The following KDM7A variants were observed in gnomAD, a reference collection of about 807,000 sequenced individuals.
KDM7A encodes the protein lysine demethylase 7A, also known as lysine-specific demethylase 7A.
In KDM7A, 28 loss-of-function variants were observed where a neutral mutation model predicts 114.8. The observed-to-expected ratio is 0.24, with a 90% CI of 0.18 to 0.33. KDM7A has a LOEUF of 0.33. Ranked by LOEUF, KDM7A falls within the 10% of genes least tolerant of loss-of-function variation. The pLI is 1.00. For synonymous variants in KDM7A, 423 were observed against 397.8 expected, an observed-to-expected ratio of 1.06 and a Z score of -0.75; for missense variants, 942 against 1,142.5, an observed-to-expected ratio of 0.82 and a Z score of 2.53.
rs575467516 is a variant in KDM7A at position 140,160,712 on chromosome 7, G to A, written c.194+16032C>T. On this transcript the variant is annotated intron_variant, in intron 1 of 19. Coordinates refer to ENST00000397560, the MANE Select transcript of KDM7A (RefSeq NM_030647.2). ...TTTAAGAGAATAATCAATTGCTTAC[G>A]GGGTAAAGAATGAGAAAACTGAAAA... Among the ~76,000 whole-genome samples the A allele has an allele frequency of 2.4e-4, 36 of 152,284 alleles. No individual in the cohort carries two copies. The South Asian group carries it at 6.2e-3, about 26-fold the overall frequency.
chr7:140,175,090 T>C (rs1269185904), intron 1 of KDM7A, among the ~76,000 whole-genome samples: 7 of 152,210 alleles, frequency 4.6e-5, no homozygotes, highest in African/African-American at 7.2e-5. Context: ...GATGTGGAAA[T>C]AGAATTGGAT....
chr7:140,119,963 T>A (rs1392795906), intron 8 of KDM7A, among the ~76,000 whole-genome samples: 1 of 152,220 alleles, frequency 6.6e-6, no homozygotes, highest in Non-Finnish European at 1.5e-5. Flanking sequence ...TCAACACTCA[T>A]TAGACTACTA....
chr7:140,152,039 C>T (rs1468578933), intron 1 of KDM7A, among the ~76,000 whole-genome samples: 1 of 152,118 alleles, frequency 6.6e-6, no homozygotes, highest in Non-Finnish European at 1.5e-5. Flanking sequence ...TCAAGTAGAT[C>T]TAGTTTTCCT....
At chr7:140,128,118 T>C (rs1818734651) in intron 4 of KDM7A, among the ~76,000 whole-genome samples, 1 of 152,178 alleles carries the variant, frequency 6.6e-6, no homozygotes, top group Non-Finnish European at 1.5e-5. Context: ...TATTCTCCTT[T>C]AAGAAAAAAT....
At position 140,176,659 on chromosome 7, in the gene KDM7A, C is replaced by T; in HGVS notation, c.194+85G>A. 1.0e-6 allele frequency: 1 copy of T among 970,300 alleles called. No individual in the cohort carries two copies. The highest frequency in any genetic ancestry group is 1.8e-5 in the African/African-American group (1 of 55,424). The allele number at this position is 970,300 out of a possible 1,614,324, so 60.1% of individuals were successfully genotyped here. On this transcript the variant is annotated intron_variant, in intron 1 of 19. Transcript: ENST00000397560. The surrounding 1 kb of genome is among the most constrained non-coding windows in gnomAD (Gnocchi z 4.4). The stretch of plus-strand genomic sequence containing the variant: ...CTGGGCGCGGCGCGGCGGCCCGGCC[C>T]GAGGGAGGCGCGGGCGGCCGGCGGC...
intron 9 of KDM7A, 32 bp downstream of exon 9, chr7:140,119,081 T>C (rs376782362): frequency 1.2e-5 from 15 of 1,280,906 alleles, no homozygotes; most frequent in Non-Finnish European, 1.7e-5. Context: ...ATATGCATCA[T>C]ATCATATACA....
intron 17 of KDM7A, among the ~76,000 whole-genome samples, chr7:140,096,028 TC>T (rs896342074): frequency 1.3e-5 from 2 of 152,194 alleles, no homozygotes; most frequent in Non-Finnish European, 2.9e-5. Flanking sequence ...CCGGTCCTCC[TC>T]AGGCTTTTTG....
At chr7:140,129,424 A>G in intron 4 of KDM7A, 69 bp downstream of exon 4, 1 of 1,240,648 alleles carries the variant, frequency 8.1e-7, no homozygotes, top group South Asian at 1.3e-5. Context: ...TTAACCATTA[A>G]TATTACCAGG....
At chr7:140,092,180 C>T (rs1818031018) in intron 18 of KDM7A, 103 bp from the exon 19 acceptor site, 4 of 1,076,228 alleles carry the variant, frequency 3.7e-6, no homozygotes, top group Admixed American at 4.5e-5. Flanking sequence ...AAACAAACTA[C>T]TGAATTCTGA....
chr7:140,171,003 T>C (rs950214061), intron 1 of KDM7A, among the ~76,000 whole-genome samples: 1 of 151,944 alleles, frequency 6.6e-6, no homozygotes, highest in Non-Finnish European at 1.5e-5. Context: ...AACAGGAGGA[T>C]TGCTTGCACT....
intron 12 of KDM7A, among the ~76,000 whole-genome samples, chr7:140,100,853 C>T (rs914433455): frequency 7.2e-4 from 109 of 150,704 alleles, no homozygotes; most frequent in African/African-American, 2.3e-3. Context: ...CTCCGCCTCC[C>T]GGGTTCACAC....
At chr7:140,100,660 TTATATATATATATA>T (rs1244353345) in intron 12 of KDM7A, among the ~76,000 whole-genome samples, 4 of 111,300 alleles carry the variant, frequency 3.6e-5, no homozygotes, top group African/African-American at 1.4e-4. Context: ...TTTTAAAAAG[TTATATATATATATA>T]TATATACATA....
intron 13 of KDM7A, 86 bp from the exon 14 acceptor site, chr7:140,099,119 A>C: frequency 5.9e-6 from 6 of 1,016,718 alleles, no homozygotes; most frequent in Non-Finnish European, 8.7e-6. Flanking sequence ...TAATTTACAA[A>C]GAGTAGAGAA....
intron 3 of KDM7A, 52 bp from the exon 4 acceptor site, chr7:140,129,705 T>TA (rs769566956): frequency 5.6e-5 from 67 of 1,201,686 alleles, no homozygotes; most frequent in Non-Finnish European, 7.4e-5. Flanking sequence ...AAGGTCAGTT[T>TA]AAAAAAAATA....
rs1223768123 is a variant in KDM7A at position 140,087,940 on chromosome 7, CAG to C, written c.*3152_*3153del. On this transcript the variant is annotated 3_prime_UTR_variant, in exon 20 of 20. Transcript: ENST00000397560. ...TTCCTGGAGAAGATACCTTCAAGGG[CAG>C]AGACCACAACTGCAAATTGATGTTC... The C allele has an allele frequency of 6.6e-6, 1 of 152,136 alleles. No homozygotes were observed. The highest frequency in any genetic ancestry group is 1.5e-5 in the Non-Finnish European group (1 of 68,026). The allele number at this position is 152,136 out of a possible 1,614,324, so 9.4% of individuals were successfully genotyped here.
chr7:140,163,937 A>C (rs1794547145), intron 1 of KDM7A, among the ~76,000 whole-genome samples: 1 of 152,154 alleles, frequency 6.6e-6, no homozygotes, highest in Admixed American at 6.5e-5. Flanking sequence ...CAGTTATAAC[A>C]TTTTATAATT....
At chr7:140,108,981 T>C (rs991259645) in intron 11 of KDM7A, among the ~76,000 whole-genome samples, 1 of 152,092 alleles carries the variant, frequency 6.6e-6, no homozygotes, top group Non-Finnish European at 1.5e-5. Flanking sequence ...TGGATGCCCC[T>C]CCCCTAACCT....
chr7:140,157,261 G>A (rs1440044329), intron 1 of KDM7A, among the ~76,000 whole-genome samples: 1 of 152,204 alleles, frequency 6.6e-6, no homozygotes, highest in Non-Finnish European at 1.5e-5. Context: ...GAATAAAATC[G>A]ATGGATTTTT....
chr7:140,153,488 A>G (rs1179564669), intron 1 of KDM7A, among the ~76,000 whole-genome samples: 3 of 136,480 alleles, frequency 2.2e-5, no homozygotes, highest in Non-Finnish European at 3.3e-5. Flanking sequence ...TCCGTCTCAA[A>G]AAGAAAAAAA....
Sources: gnomAD v4.1 joint callset for allele counts (sites outside exome capture counted in the v4.1 genomes callset) on GRCh38, gnomAD v4.1.1 for gene constraint, Gnocchi (gnomAD v3.1) non-coding constraint, MANE v1.5 for transcripts, NCBI Gene and HGNC (gene_info 2026-07-23, HGNC 2026-07-21) for gene names.